ANK1: variants seen among roughly 807,000 people sequenced by gnomAD.
ANK1 encodes ankyrin 1.
ANK1 carries 51 observed loss-of-function variants against 210.4 expected under a neutral mutation model. That is an observed-to-expected ratio of 0.24 (90% CI 0.19 to 0.31). ANK1 has a LOEUF of 0.31. ANK1 is among the 10% of genes least tolerant of loss of function. The pLI is 1.00. For synonymous variants in ANK1, 967 were observed against 1,025.9 expected (o/e 0.94, Z 1.10); for missense variants, 2,051 against 2,504.4 (o/e 0.82, Z 3.86).
At chr8:41,669,526 C>G (rs1005828422) in intron 38 of ANK1, among the ~76,000 whole-genome samples, 1 of 152,116 alleles carries the variant, frequency 6.6e-6, no homozygotes, top group Admixed American at 6.5e-5. Context: ...TACTTGGCAT[C>G]TCCAGGACAG....
chr8:41,752,806 C>CCG (rs1554597051), intron 2 of ANK1, among the ~76,000 whole-genome samples: 4 of 151,658 alleles, frequency 2.6e-5, no homozygotes, highest in Non-Finnish European at 2.9e-5. Flanking sequence ...AGGCCCCCCC[C>CCG]CACTGCACCG....
intron 1 of ANK1, among the ~76,000 whole-genome samples, chr8:41,831,040 G>A (rs1457139665): frequency 1.3e-5 from 2 of 152,190 alleles, no homozygotes; most frequent in Non-Finnish European, 2.9e-5. Context: ...ATGAGAATAA[G>A]CTTGCAGCAA....
chr8:41,842,226 C>T (rs759916259), intron 1 of ANK1, among the ~76,000 whole-genome samples: 8 of 152,342 alleles, frequency 5.3e-5, no homozygotes, highest in Non-Finnish European at 4.4e-5. Context: ...GGCGCAGTGG[C>T]TCACGCCTAT....
chr8:41,701,072 C>T (rs1241285961), intron 22 of ANK1, among the ~76,000 whole-genome samples: 1 of 152,174 alleles, frequency 6.6e-6, no homozygotes, highest in Non-Finnish European at 1.5e-5. Flanking sequence ...CCCAGCCAGA[C>T]TATAGTAATT....
chr8:41,665,355 C>A, intron 39 of ANK1: 1 of 1,129,712 alleles, frequency 8.9e-7, no homozygotes, highest in South Asian at 1.4e-5. Context: ...AGAAGGAAGC[C>A]GGCAGGTGCC....
At chr8:41,697,916 T>C (rs1373391581) in intron 24 of ANK1, 127 bp downstream of exon 24, 1 of 892,202 alleles carries the variant, frequency 1.1e-6, no homozygotes, top group African/African-American at 1.6e-5. Flanking sequence ...GGAATGCCAG[T>C]TGGACAGTGA....
chr8:41,839,958 A>G (rs1008220780), intron 1 of ANK1: 1 of 152,188 alleles, frequency 6.6e-6, no homozygotes. Flanking sequence ...CAATAGAGAA[A>G]CTGTGCATGG....
intron 39 of ANK1, among the ~76,000 whole-genome samples, chr8:41,664,630 T>G (rs1422179036): frequency 6.6e-6 from 1 of 152,054 alleles, no homozygotes; most frequent in Non-Finnish European, 1.5e-5. Flanking sequence ...CAGGTTCTGG[T>G]GGGCGCACAC....
In ANK1 at chr8:41,803,035, A is replaced by AAGAAAGAAAGAG. The variant is rs1394842416; in HGVS notation, c.127-44899_127-44898insCTCTTTCTTTCT. Among the ~76,000 whole-genome samples the AAGAAAGAAAGAG allele has an allele frequency of 1.3e-3, 112 of 87,132 alleles. 3 individuals carry two copies. Among genetic ancestry groups the AAGAAAGAAAGAG allele is most frequent in the Non-Finnish European group, 2.3e-3 (94 of 41,620 alleles). 57.2% of individuals were successfully genotyped at this position (87,132 alleles called of 152,430 possible). ...AAAGAAAGAAAGAAAGAAAGAAAGA[A>AAGAAAGAAAGAG]AGAAAGAGAAAGAAAGAAAGAGAGA... On this transcript the variant is annotated intron_variant, in intron 1 of 42. Coordinates refer to the ANK1 transcript ENST00000265709.
At chr8:41,726,115 T>C (rs1008012030) in intron 5 of ANK1, among the ~76,000 whole-genome samples, 169 bp from the exon 6 acceptor site, 1 of 152,224 alleles carries the variant, frequency 6.6e-6, no homozygotes, top group Non-Finnish European at 1.5e-5. Flanking sequence ...TGCCATCTCC[T>C]CCCTGAAGCC....
intron 2 of ANK1, among the ~76,000 whole-genome samples, chr8:41,752,779 C>T (rs1420134171): frequency 7.3e-6 from 1 of 137,682 alleles, no homozygotes; most frequent in African/African-American, 2.6e-5. Context: ...GTCCCTCCTG[C>T]GCTGCTGGGC....
At chr8:41,693,610 G>A (rs762711037) in intron 29 of ANK1, among the ~76,000 whole-genome samples, 8 of 151,812 alleles carry the variant, frequency 5.3e-5, no homozygotes, top group Admixed American at 1.3e-4. Context: ...GCTAAGTTTT[G>A]TATTTTTAGT....
chr8:41,820,562 C>T (rs934066121), intron 1 of ANK1, among the ~76,000 whole-genome samples: 1 of 152,022 alleles, frequency 6.6e-6, no homozygotes, highest in African/African-American at 2.4e-5. Flanking sequence ...CAAAATGTTA[C>T]CTGTGGCCAG....
At chr8:41,706,831 G>A (rs1824722346) in intron 17 of ANK1, among the ~76,000 whole-genome samples, 1 of 152,244 alleles carries the variant, frequency 6.6e-6, no homozygotes, top group Admixed American at 6.5e-5. Context: ...GGGCGCGGCG[G>A]CTCATGCCTG....
intron 39 of ANK1, chr8:41,664,909 G>C (rs1233974409): frequency 6.2e-7 from 1 of 1,614,222 alleles, no homozygotes. Flanking sequence ...TGGTGGATGT[G>C]CTTTAGCACA....
chr8:41,731,816 C>T (rs1313967341), intron 3 of ANK1, among the ~76,000 whole-genome samples: 3 of 152,232 alleles, frequency 2.0e-5, no homozygotes, highest in Non-Finnish European at 4.4e-5. Flanking sequence ...GCTGAAGCCT[C>T]GTGTTTCCGC....
At chr8:41,695,033 A>G in intron 27 of ANK1, 144 bp downstream of exon 27, 1 of 1,187,182 alleles carries the variant, frequency 8.4e-7, no homozygotes, top group Non-Finnish European at 1.2e-6. Flanking sequence ...CATCCTGGGG[A>G]CCCAGGGCTT....
chr8:41,863,143 G>C (rs1391823168), intron 1 of ANK1, among the ~76,000 whole-genome samples: 1 of 152,146 alleles, frequency 6.6e-6, no homozygotes, highest in East Asian at 1.9e-4. Context: ...CGGATCACGA[G>C]GTCAGGAGAT....
At chr8:41,769,329 G>A (rs897876259) in intron 1 of ANK1, among the ~76,000 whole-genome samples, 1 of 152,172 alleles carries the variant, frequency 6.6e-6, no homozygotes, top group Non-Finnish European at 1.5e-5. Context: ...CTAAAGCCCA[G>A]CTCACCCTCC....
Sources: allele counts gnomAD v4.1 joint callset (sites outside exome capture counted in the v4.1 genomes callset), GRCh38; gene constraint gnomAD v4.1.1; transcripts MANE v1.5; gene names NCBI Gene and HGNC (gene_info 2026-07-23, HGNC 2026-07-21).